FRMD4B: variants seen among roughly 807,000 people sequenced by gnomAD.
FRMD4B encodes FERM domain containing 4B, also known as FERM domain-containing protein 4B.
A neutral mutation model predicts 141.5 loss-of-function variants in FRMD4B; 74 were observed. The ratio of observed to expected loss-of-function variants is 0.52; its 90% CI spans 0.43 to 0.63. FRMD4B has a LOEUF of 0.63. Among genes scored for constraint, FRMD4B ranks in the 30% least tolerant of loss-of-function variants. The probability of loss-of-function intolerance (pLI) is 0.00; values close to 1 mark genes in which losing one functional copy is unlikely to be tolerated. For synonymous variants in FRMD4B, 506 were observed against 467.9 expected, an observed-to-expected ratio of 1.08 and a Z score of -1.05; for missense variants, 1,366 against 1,253.4, an observed-to-expected ratio of 1.09 and a Z score of -1.36.
chr3:69,379,546 G>A (rs762259210), intron 1 of FRMD4B, among the ~76,000 whole-genome samples: 4 of 152,312 alleles, frequency 2.6e-5, no homozygotes, highest in South Asian at 2.1e-4. Flanking sequence ...CCCAAATGCT[G>A]GGATTATAGG....
At chr3:69,243,817 G>A (rs969417739) in intron 7 of FRMD4B, among the ~76,000 whole-genome samples, 5 of 152,246 alleles carry the variant, frequency 3.3e-5, no homozygotes, top group African/African-American at 1.2e-4. Context: ...AGGCCTAGAC[G>A]GGCAGATCAC....
chr3:69,234,839 G>A (rs1456162355), intron 7 of FRMD4B, among the ~76,000 whole-genome samples: 1 of 152,084 alleles, frequency 6.6e-6, no homozygotes, highest in South Asian at 2.1e-4. Context: ...ACTGCAATAG[G>A]ATAAACACAA....
intron 11 of FRMD4B, among the ~76,000 whole-genome samples, chr3:69,206,352 A>AAAAAC (rs1011728801): frequency 1.3e-5 from 2 of 152,184 alleles, no homozygotes; most frequent in Non-Finnish European, 2.9e-5. Flanking sequence ...TCCATCTCAA[A>AAAAAC]AAAACAAAAC....
At chr3:69,366,209 G>C (rs1703647575) in intron 1 of FRMD4B, among the ~76,000 whole-genome samples, 3 of 151,302 alleles carry the variant, frequency 2.0e-5, no homozygotes, top group Admixed American at 2.0e-4. Flanking sequence ...GCAGTGGGCC[G>C]AGATTGCATC....
Position 69,169,988 on chromosome 3 carries a change from C to T in FRMD4B, c.*1873G>A, listed in dbSNP as rs892542228. On this transcript the variant is annotated 3_prime_UTR_variant, in exon 23 of 23. Transcript: ENST00000398540. ...TCATCCTCAGTGAGACAAACTACCG[C>T]ATTTCATCAATTCTAAGGCAACTTT... 5 of 152,164 alleles carry T rather than the reference C, an allele frequency of 3.3e-5. No homozygotes were observed. Among genetic ancestry groups the T allele is most frequent in the African/African-American group, 1.2e-4 (5 of 41,454 alleles). The allele number at this position is 152,164 out of a possible 1,614,324, so 9.4% of individuals were successfully genotyped here.
intron 5 of FRMD4B, among the ~76,000 whole-genome samples, chr3:69,263,603 G>T (rs955055847): frequency 1.2e-4 from 18 of 151,566 alleles, no homozygotes; most frequent in African/African-American, 4.1e-4. Flanking sequence ...GTAGAGACAG[G>T]ATCTTGCTAT....
intron 11 of FRMD4B, 148 bp downstream of exon 11, chr3:69,216,115 C>T: frequency 1.9e-6 from 1 of 528,218 alleles, no homozygotes; most frequent in Non-Finnish European, 3.4e-6. Context: ...TATCAGCCCA[C>T]TGCACTCCAG....
chr3:69,329,038 G>C (rs1425313789), intron 1 of FRMD4B, among the ~76,000 whole-genome samples: 1 of 152,080 alleles, frequency 6.6e-6, no homozygotes, highest in Admixed American at 6.5e-5. Flanking sequence ...CGAGATCTAA[G>C]AACTCTTGGG....
chr3:69,204,763 T>C (rs2093005971), intron 11 of FRMD4B, among the ~76,000 whole-genome samples: 1 of 152,124 alleles, frequency 6.6e-6, no homozygotes, highest in Non-Finnish European at 1.5e-5. Flanking sequence ...ACACCAACAG[T>C]GCCAGCTGGC....
At chr3:69,311,497 G>A (rs775551823) in intron 2 of FRMD4B, 140 bp from the exon 3 acceptor site, 5 of 587,818 alleles carry the variant, frequency 8.5e-6, no homozygotes, top group Non-Finnish European at 1.5e-5. Flanking sequence ...TGTGGATTAG[G>A]TTGATGTACT....
At chr3:69,412,454 G>A (rs1468720092) in intron 2 of FRMD4B, among the ~76,000 whole-genome samples, 1 of 152,108 alleles carries the variant, frequency 6.6e-6, no homozygotes, top group African/African-American at 2.4e-5. Flanking sequence ...GAGAGCAGAG[G>A]GGACCGAAAG....
At chr3:69,234,728 T>C (rs1160231965) in intron 7 of FRMD4B, among the ~76,000 whole-genome samples, 1 of 152,172 alleles carries the variant, frequency 6.6e-6, no homozygotes, top group South Asian at 2.1e-4. Context: ...ATCGGATGAC[T>C]TTCTGGAAAG....
intron 1 of FRMD4B, chr3:69,471,585 T>G (rs949969949): frequency 2.3e-5 from 5 of 221,994 alleles, no homozygotes; most frequent in African/African-American, 6.9e-5. Context: ...ATTGTTCATA[T>G]GCCCATTTAA....
chr3:69,310,438 G>T (rs777637307), intron 3 of FRMD4B: 6 of 456,436 alleles, frequency 1.3e-5, no homozygotes, highest in South Asian at 9.3e-5. Flanking sequence ...CATTTAAGGA[G>T]CTCTTTGGAA....
intron 8 of FRMD4B, among the ~76,000 whole-genome samples, chr3:69,223,550 C>T (rs535141219): frequency 5.3e-5 from 8 of 151,982 alleles, no homozygotes; most frequent in Non-Finnish European, 1.0e-4. Flanking sequence ...ATAAAACTAT[C>T]GCGCTTGGTC....
chr3:69,330,425 C>T lies in FRMD4B; in HGVS notation c.163-16908G>A, dbSNP rs577967695. Among the ~76,000 whole-genome samples the T allele has an allele frequency of 2.9e-5, 4 of 136,626 alleles. No homozygotes were observed. The South Asian group carries it at 9.5e-4, about 32-fold the overall frequency. The allele number at this position is 136,626 out of a possible 152,430, so 89.6% of individuals were successfully genotyped here. A position where few individuals can be genotyped will look rare whatever the true frequency, so the allele number is the denominator to read the frequency against. ...GCAATGGGGTGATCTCGGCTTACTGCAACCTCTGCCTCCTGGGTTCAAGTG... is the reference window on the plus strand; with the variant it reads ...GCAATGGGGTGATCTCGGCTTACTGTAACCTCTGCCTCCTGGGTTCAAGTG... On this transcript the variant is annotated intron_variant, in intron 1 of 22. Coordinates refer to ENST00000398540, the MANE Select transcript of FRMD4B (RefSeq NM_015123.3).
At chr3:69,365,509 T>TG (rs141410851) in intron 1 of FRMD4B, among the ~76,000 whole-genome samples, 65 of 142,094 alleles carry the variant, frequency 4.6e-4, no homozygotes, top group African/African-American at 1.6e-3. Flanking sequence ...ACCTTTGTTT[T>TG]TTTTCTTTTT....
At chr3:69,302,293 A>C (rs771615964) in intron 4 of FRMD4B, 50 bp downstream of exon 4, 2 of 1,013,150 alleles carry the variant, frequency 2.0e-6, no homozygotes, top group Admixed American at 4.1e-5. Flanking sequence ...CAAAAACCCA[A>C]AAATAACAGC....
chr3:69,224,183 A>G (rs1306430275), intron 8 of FRMD4B, among the ~76,000 whole-genome samples: 1 of 152,232 alleles, frequency 6.6e-6, no homozygotes, highest in African/African-American at 2.4e-5. Context: ...CAATATATAC[A>G]ATATCTAGCT....
Sources: allele counts gnomAD v4.1 joint callset (sites outside exome capture counted in the v4.1 genomes callset), GRCh38; gene constraint gnomAD v4.1.1; transcripts MANE v1.5; gene names NCBI Gene and HGNC (gene_info 2026-07-23, HGNC 2026-07-21).